The following CLASP2 variants were observed in gnomAD, a reference collection of about 807,000 sequenced individuals.
The protein encoded by CLASP2 is CLIP-associating protein 2.
Under a neutral mutation model 194.4 loss-of-function variants are expected in CLASP2, and 47 were observed. The observed-to-expected ratio is 0.24, with a 90% CI of 0.19 to 0.31. The LOEUF is 0.31. Ranked by LOEUF, CLASP2 falls within the 10% of genes least tolerant of loss-of-function variation. The pLI, the probability that CLASP2 is intolerant of heterozygous loss-of-function variation, is 1.00. For synonymous variants in CLASP2, 619 were observed against 633.5 expected (o/e 0.98, Z 0.34); for missense variants, 1,445 against 1,823.6 (o/e 0.79, Z 3.78).
chr3:33,519,433 G>T (rs1053785035), intron 34 of CLASP2, among the ~76,000 whole-genome samples: 1 of 152,024 alleles, frequency 6.6e-6, no homozygotes, highest in Non-Finnish European at 1.5e-5. Flanking sequence ...TTCTATAAAA[G>T]TTATAGAAAT....
intron 7 of CLASP2, chr3:33,658,865 A>C (rs1204429880): frequency 2.0e-6 from 2 of 985,100 alleles, no homozygotes; most frequent in Non-Finnish European, 3.0e-6. Flanking sequence ...TAAACACACA[A>C]GTGTCCTTCA....
chr3:33,674,901 T>C (rs1456548829), intron 6 of CLASP2, among the ~76,000 whole-genome samples: 5 of 152,088 alleles, frequency 3.3e-5, no homozygotes, highest in Non-Finnish European at 7.4e-5. Context: ...AAGTTGAATC[T>C]CTGAATAGAC....
chr3:33,633,248 A>G (rs1261278593), intron 8 of CLASP2, among the ~76,000 whole-genome samples: 1 of 152,110 alleles, frequency 6.6e-6, no homozygotes, highest in Non-Finnish European at 1.5e-5. Context: ...AGATCTGTGG[A>G]GCCCCTGAGT....
In CLASP2 at chr3:33,718,115, A is replaced by AGGGGCGCGGCTTGC; in HGVS notation, c.-127_-114dup. On this transcript the variant is annotated 5_prime_UTR_variant, in exon 1 of 39. Transcript: ENST00000682230. ...GCGGGCGGGACTCACTTAGCCCGCC[A>AGGGGCGCGGCTTGC]GGGGCGCGGCTTGCGGGGCGCAGCG... The AGGGGCGCGGCTTGC allele has an allele frequency of 8.9e-7, 1 of 1,121,554 alleles. No homozygotes were observed. Among genetic ancestry groups the AGGGGCGCGGCTTGC allele is most frequent in the East Asian group, 3.2e-5 (1 of 31,138 alleles). The allele number at this position is 1,121,554 out of a possible 1,614,324, so 69.5% of individuals were successfully genotyped here.
chr3:33,649,705 G>T (rs554575602), intron 7 of CLASP2, among the ~76,000 whole-genome samples: 9 of 152,194 alleles, frequency 5.9e-5, no homozygotes, highest in Non-Finnish European at 1.2e-4. Context: ...CCCACCAAAA[G>T]CTGGTATACC....
chr3:33,659,064 C>T, intron 7 of CLASP2: 1 of 1,527,386 alleles, frequency 6.5e-7, no homozygotes, highest in Non-Finnish European at 8.8e-7. Flanking sequence ...GTGCCTGCGC[C>T]ACTGGGCTCG....
intron 38 of CLASP2, among the ~76,000 whole-genome samples, chr3:33,499,410 C>A (rs187587661): frequency 2.5e-4 from 35 of 142,772 alleles, no homozygotes; most frequent in East Asian, 1.7e-3. Flanking sequence ...AGTGTAGTGG[C>A]GCAATCTCAG....
intron 1 of CLASP2, 21 bp downstream of exon 1, chr3:33,717,787 A>G: frequency 2.6e-6 from 4 of 1,549,564 alleles, no homozygotes; most frequent in Non-Finnish European, 3.5e-6. Context: ...TGACCAGCCC[A>G]GCCTCGCCGC....
intron 16 of CLASP2, 45 bp downstream of exon 16, chr3:33,606,546 T>G (rs776070123): frequency 3.3e-6 from 5 of 1,498,364 alleles, no homozygotes; most frequent in African/African-American, 2.8e-5. Context: ...CTTCAGGGAG[T>G]TGAGGAGAGG....
intron 6 of CLASP2, among the ~76,000 whole-genome samples, chr3:33,676,912 T>C (rs1221015070): frequency 6.6e-6 from 1 of 152,174 alleles, no homozygotes; most frequent in Non-Finnish European, 1.5e-5. Flanking sequence ...CAGACACTTC[T>C]CAAAAGAAGC....
chr3:33,631,501 G>A (rs536775190), intron 9 of CLASP2, among the ~76,000 whole-genome samples: 2 of 152,106 alleles, frequency 1.3e-5, no homozygotes, highest in African/African-American at 4.8e-5. Flanking sequence ...TTCGAGACCA[G>A]CCTGACCAAC....
chr3:33,594,967 T>C lies in CLASP2; in HGVS notation c.1950A>G (p.Gly650=). 7.0e-7 allele frequency: 1 copy of C among 1,430,044 alleles called. No individual in the cohort carries two copies. Among genetic ancestry groups the C allele is most frequent in the South Asian group, 1.5e-5 (1 of 67,600 alleles). The allele number at this position is 1,430,044 out of a possible 1,614,324, so 88.6% of individuals were successfully genotyped here. A position where few individuals can be genotyped will look rare whatever the true frequency, so the allele number is the denominator to read the frequency against. The change falls in exon 20 of 39, where the codon GGA becomes GGG. Residue 650 remains glycine (G), a splice_region_variant and synonymous_variant. Transcript: ENST00000682230. The stretch of plus-strand genomic sequence containing the variant: ...AGTTCTTACCATCTTCAGATGCTGT[T>C]CCTAAATAAGAAAAATAAAACAACA... The part of the protein sequence containing the change: ...SLEDTSDKLD[G]TASEDGRVRA...
chr3:33,594,626 T>C (rs185908085), intron 20 of CLASP2, among the ~76,000 whole-genome samples: 33 of 151,482 alleles, frequency 2.2e-4, no homozygotes, highest in Middle Eastern at 3.4e-3. Flanking sequence ...AACACAAACA[T>C]GTAAGAAAAG....
chr3:33,569,853 T>C (rs1262891775), intron 26 of CLASP2, among the ~76,000 whole-genome samples: 1 of 152,118 alleles, frequency 6.6e-6, no homozygotes, highest in Non-Finnish European at 1.5e-5. Context: ...TTTCATTATC[T>C]TTAAGTAGTG....
At chr3:33,604,120 A>AC (rs1417173166) in intron 17 of CLASP2, 34 bp downstream of exon 17, 2 of 1,467,742 alleles carry the variant, frequency 1.4e-6, no homozygotes, top group Admixed American at 4.1e-5. Context: ...CAAAGATAAA[A>AC]TAGGTTATAA....
At position 33,638,482 on chromosome 3, in the gene CLASP2, AT is replaced by A. The variant is rs1365561490; in HGVS notation, c.863-6112del. ...ACCATGCCCAGATAATTTTTTTTGT[AT>A]TTTCAGTAGAGACAGGGTTTCACCG... is the stretch of plus-strand genomic sequence containing the variant. On this transcript the variant is annotated intron_variant, in intron 8 of 38. Coordinates refer to ENST00000682230, the MANE Select transcript of CLASP2 (RefSeq NM_001365631.1). Among the ~76,000 whole-genome samples, 3 of 151,016 alleles carry A rather than the reference AT, an allele frequency of 2.0e-5. No individual in the cohort carries two copies. In the East Asian group the frequency reaches 5.8e-4, roughly 29 times the overall value.
chr3:33,604,208 G>A lies in CLASP2; in HGVS notation c.1696C>T (p.Arg566Cys), dbSNP rs2073122649. The A allele has an allele frequency of 2.6e-6, 4 of 1,555,472 alleles. No homozygotes were observed. The highest frequency in any genetic ancestry group is 1.2e-5 in the South Asian group (1 of 84,130). Residue 566 changes from arginine (R) to cysteine (C), a missense_variant and splice_region_variant, in exon 17 of 39, where the codon CGC (arginine) becomes TGC (cysteine). Around this residue, in one of 4 missense-constraint regions of CLASP2, gnomAD observed 174 missense variants for 179.0 expected, o/e 0.97. Transcript: ENST00000682230. ...SSSSSQESLN[R>C]PFSSKWSTAN... ...GTAGACCATTTGGAAGAAAAAGGGC[G>A]ACTGCAAAGTATAAAAAATGCTTTT...
intron 37 of CLASP2, chr3:33,503,454 C>T (rs1472212412): frequency 6.7e-6 from 1 of 149,128 alleles, no homozygotes; most frequent in Admixed American, 6.8e-5. Context: ...CTTGAGATGA[C>T]GTCTTGCTCC....
In CLASP2 at chr3:33,496,853, T is replaced by G. The variant is rs1408875100; in HGVS notation, c.*1778A>C. On this transcript the variant is annotated 3_prime_UTR_variant, in exon 39 of 39. Transcript: ENST00000682230. ...TGTAGCTATATACCTTTGATTGTGG[T>G]AGCTACACCTGAAAAATCTTTTCTC... is the stretch of plus-strand genomic sequence containing the variant. The G allele has an allele frequency of 6.6e-6, 1 of 152,420 alleles. No individual in the cohort carries two copies. The highest frequency in any genetic ancestry group is 1.5e-5 in the Non-Finnish European group (1 of 68,012). 9.4% of individuals were successfully genotyped at this position (152,420 alleles called of 1,614,324 possible).
Sources: allele counts gnomAD v4.1 joint callset (sites outside exome capture counted in the v4.1 genomes callset), GRCh38; gene constraint gnomAD v4.1.1; regional missense constraint gnomAD v4.1.1; transcripts MANE v1.5; gene names NCBI Gene and HGNC (gene_info 2026-07-23, HGNC 2026-07-21).